CLDN16: variants seen among roughly 807,000 people sequenced by gnomAD.
CLDN16 encodes the protein claudin-16.
Under a neutral mutation model 24.6 loss-of-function variants are expected in CLDN16, and 13 were observed. The ratio of observed to expected loss-of-function variants is 0.53; its 90% CI spans 0.34 to 0.84. The LOEUF is 0.84. CLDN16 is among the 40% of genes least tolerant of loss of function. The probability of loss-of-function intolerance (pLI) is 0.01; values close to 1 mark genes in which losing one functional copy is unlikely to be tolerated. For missense variants in CLDN16, 298 were observed against 292.7 expected (o/e 1.02, Z -0.13); for synonymous variants, 116 against 106.7 (o/e 1.09, Z -0.54).
chr3:190,290,510 A>C, the CLDN16 span, among the ~76,000 whole-genome samples: 1,699 of 152,286 alleles, frequency 0.011, 17 homozygotes, highest in Non-Finnish European at 0.017. Flanking sequence ...AGGAAAAAAA[A>C]CCTACTCTTT....
At chr3:190,306,925 C>G in the CLDN16 span, 3 of 152,474 alleles carry the variant, frequency 2.0e-5, no homozygotes, top group Non-Finnish European at 2.9e-5. Context: ...AGGTTTTGTT[C>G]AGTGGAAATA....
chr3:190,362,626 C>G (rs771432121), intron 1 of CLDN16, among the ~76,000 whole-genome samples: 8 of 151,996 alleles, frequency 5.3e-5, no homozygotes, highest in Non-Finnish European at 1.0e-4. Context: ...CAGCCGGCAA[C>G]GTGAACCAGT....
intron 1 of CLDN16, among the ~76,000 whole-genome samples, chr3:190,394,307 T>C (rs1346682986): frequency 1.3e-5 from 2 of 152,160 alleles, no homozygotes; most frequent in African/African-American, 4.8e-5. Flanking sequence ...AAGATTTCAT[T>C]TTCAGTTCAT....
intron 1 of CLDN16, among the ~76,000 whole-genome samples, chr3:190,348,562 C>T (rs1237502649): frequency 6.6e-6 from 1 of 152,246 alleles, no homozygotes; most frequent in Non-Finnish European, 1.5e-5. Context: ...AGAAAGAAAA[C>T]AATATGCTTT....
intron 1 of CLDN16, among the ~76,000 whole-genome samples, chr3:190,353,385 C>T (rs1001901590): frequency 9.9e-5 from 15 of 151,932 alleles, no homozygotes; most frequent in Non-Finnish European, 1.6e-4. Context: ...CAATAGCTTC[C>T]CATTGTTTAT....
chr3:190,309,226 T>C, the CLDN16 span, among the ~76,000 whole-genome samples: 9,536 of 152,280 alleles, frequency 0.063, 389 homozygotes, highest in Middle Eastern at 0.11. Context: ...AAATAACAAT[T>C]GCAAAATGGC....
At chr3:190,300,644 T>A in the CLDN16 span, among the ~76,000 whole-genome samples, 1 of 152,286 alleles carries the variant, frequency 6.6e-6, no homozygotes, top group Non-Finnish European at 1.5e-5. Flanking sequence ...CAGAAAAAAG[T>A]TTGCTGATCC....
chr3:190,396,944 C>T lies in CLDN16; in HGVS notation c.115-5393C>T, dbSNP rs977650518. ...ATGCCTTAAGGAACCAAGTAGCCAG[C>T]GTTCACGAGAGAGGCAGGTTGGGTA... On this transcript the variant is annotated intron_variant, in intron 1 of 4. Transcript: ENST00000264734. Among the ~76,000 whole-genome samples the T allele has an allele frequency of 4.6e-5, 7 of 152,090 alleles. No individual in the cohort carries two copies. In the East Asian group the frequency reaches 7.7e-4, roughly 17 times the overall value.
chr3:190,363,554 G>C (rs868284800), intron 1 of CLDN16, among the ~76,000 whole-genome samples: 1 of 81,364 alleles, frequency 1.2e-5, no homozygotes, highest in East Asian at 4.4e-4. Context: ...GTGTGTGTGT[G>C]TGTATATATA....
At chr3:190,331,256 G>A (rs923267862) in intron 1 of CLDN16, among the ~76,000 whole-genome samples, 8 of 152,116 alleles carry the variant, frequency 5.3e-5, no homozygotes, top group Non-Finnish European at 1.0e-4. Context: ...TTCCTCTACC[G>A]TTGACATTAA....
chr3:190,325,613 T>C (rs114861204), intron 1 of CLDN16, among the ~76,000 whole-genome samples: 3,731 of 152,226 alleles, frequency 0.025, 152 homozygotes, highest in African/African-American at 0.085. Flanking sequence ...AGAAGAGATA[T>C]ACACATAAAA....
rs570456821 is a variant in CLDN16 at position 190,325,924 on chromosome 3, A to G, written n.121+3263A>G. On this transcript the variant is annotated intron_variant and non_coding_transcript_variant, in intron 1 of 4. Transcript: ENST00000468220. ...GTATAAATTTAACATGAATTTTAGT[A>G]TTAAAACATTCAGGTTACTAAAACT... Among the ~76,000 whole-genome samples, 3 of 152,358 alleles carry G rather than the reference A, an allele frequency of 2.0e-5. No individual in the cohort carries two copies. The South Asian group carries it at 6.2e-4, about 32-fold the overall frequency.
intron 1 of CLDN16, among the ~76,000 whole-genome samples, chr3:190,357,183 G>A (rs1717793064): frequency 6.6e-6 from 1 of 151,956 alleles, no homozygotes; most frequent in African/African-American, 2.4e-5. Flanking sequence ...CCTCCTATGA[G>A]TATGTCCTAA....
chr3:190,348,512 C>A (rs1408389886), intron 1 of CLDN16, among the ~76,000 whole-genome samples: 1 of 152,058 alleles, frequency 6.6e-6, no homozygotes, highest in African/African-American at 2.4e-5. Flanking sequence ...CACAGGCCTG[C>A]AGTCACTTAA....
intron 2 of CLDN16, among the ~76,000 whole-genome samples, chr3:190,373,025 CTTTG>C (rs1322231164): frequency 3.9e-5 from 6 of 152,092 alleles, no homozygotes; most frequent in African/African-American, 9.6e-5. Context: ...AGGGCAGCCC[CTTTG>C]TTTGTTCTGC....
At chr3:190,302,754 G>A in the CLDN16 span, among the ~76,000 whole-genome samples, 1 of 126,180 alleles carries the variant, frequency 7.9e-6, no homozygotes, top group Non-Finnish European at 1.6e-5. Flanking sequence ...CTGAGCAACA[G>A]GAGTGAAACC....
chr3:190,391,662 G>A (rs17504620), intron 1 of CLDN16, among the ~76,000 whole-genome samples: 28,315 of 152,086 alleles, frequency 0.19, 3,058 homozygotes, highest in Middle Eastern at 0.29. Flanking sequence ...GAAGCTCAGG[G>A]CTTGTTAGAG....
the CLDN16 span, chr3:190,307,601 G>A: frequency 6.6e-6 from 1 of 152,174 alleles, no homozygotes; most frequent in East Asian, 1.9e-4. Flanking sequence ...GCTATGAAAT[G>A]TGTTAGATTC....
intron 1 of CLDN16, among the ~76,000 whole-genome samples, chr3:190,325,892 A>G (rs1253399418): frequency 4.6e-5 from 7 of 152,224 alleles, no homozygotes; most frequent in Non-Finnish European, 8.8e-5. Context: ...ATCAGAGTAC[A>G]AATATTGTAT....
Sources: gnomAD v4.1 joint callset for allele counts (sites outside exome capture counted in the v4.1 genomes callset) on GRCh38, gnomAD v4.1.1 for gene constraint, MANE v1.5 for transcripts, NCBI Gene and HGNC (gene_info 2026-07-23, HGNC 2026-07-21) for gene names.